Variants in ST6GALNAC5 observed in about 807,000 individuals in gnomAD.
ST6GALNAC5 encodes the protein ST6 N-acetylgalactosaminide alpha-2,6-sialyltransferase 5.
In ST6GALNAC5, 27 loss-of-function variants were observed where a neutral mutation model predicts 33.6. That is an observed-to-expected ratio of 0.80 (90% CI 0.59 to 1.11). The LOEUF (loss-of-function observed/expected upper bound fraction) is 1.11, where lower values mean the gene tolerates loss of function less well. ST6GALNAC5 is among the 50% of genes least tolerant of loss of function. ST6GALNAC5 has a pLI of 0.00. For missense variants in ST6GALNAC5, 428 were observed against 454.0 expected (o/e 0.94, Z 0.52); for synonymous variants, 194 against 171.2 (o/e 1.13, Z -1.04).
chr1:76,985,178 GAGAA>G (rs1211107888), intron 2 of ST6GALNAC5, among the ~76,000 whole-genome samples: 2 of 152,162 alleles, frequency 1.3e-5, no homozygotes, highest in Admixed American at 6.5e-5. Context: ...AATCAGGCAA[GAGAA>G]AGAAAGAAAG....
chr1:77,062,475 T>A (rs1182509264), intron 4 of ST6GALNAC5, among the ~76,000 whole-genome samples: 1 of 152,080 alleles, frequency 6.6e-6, no homozygotes, highest in African/African-American at 2.4e-5. Context: ...AAGGCCAGTA[T>A]GGTGGGAACA....
At chr1:76,965,109 T>C (rs1648405781) in intron 2 of ST6GALNAC5, among the ~76,000 whole-genome samples, 1 of 152,190 alleles carries the variant, frequency 6.6e-6, no homozygotes, top group Non-Finnish European at 1.5e-5. Flanking sequence ...TTATAATCCT[T>C]TGGGTATATA....
chr1:76,896,470 G>A (rs1252208342), intron 2 of ST6GALNAC5, among the ~76,000 whole-genome samples: 1 of 152,184 alleles, frequency 6.6e-6, no homozygotes, highest in African/African-American at 2.4e-5. Flanking sequence ...AGGCGGGCTA[G>A]TGGCTTGTAC....
chr1:77,029,025 G>A (rs1651352250), intron 2 of ST6GALNAC5, among the ~76,000 whole-genome samples: 1 of 151,984 alleles, frequency 6.6e-6, no homozygotes, highest in Non-Finnish European at 1.5e-5. Flanking sequence ...GTGGTCCAGT[G>A]TGGGCATGTG....
chr1:76,955,193 T>C (rs1164129104), intron 2 of ST6GALNAC5, among the ~76,000 whole-genome samples: 1 of 152,206 alleles, frequency 6.6e-6, no homozygotes, highest in East Asian at 1.9e-4. Context: ...CAGTGGCAGC[T>C]ATTCATATTA....
chr1:76,991,441 G>A (rs1235007745), intron 2 of ST6GALNAC5, among the ~76,000 whole-genome samples: 3 of 152,112 alleles, frequency 2.0e-5, no homozygotes, highest in Non-Finnish European at 4.4e-5. Flanking sequence ...ATTTCAATAT[G>A]CACACTCTGA....
At chr1:76,871,955 G>A (rs140220655) in intron 2 of ST6GALNAC5, among the ~76,000 whole-genome samples, 94 of 151,956 alleles carry the variant, frequency 6.2e-4, no homozygotes, top group Middle Eastern at 3.4e-3. Context: ...TCTCAGTCCC[G>A]ATTTGTGGAA....
intron 2 of ST6GALNAC5, among the ~76,000 whole-genome samples, chr1:77,020,766 A>G (rs1240821421): frequency 6.6e-6 from 1 of 152,124 alleles, no homozygotes; most frequent in Admixed American, 6.5e-5. Context: ...ATTGTTCATT[A>G]TTATTATCTC....
intron 2 of ST6GALNAC5, among the ~76,000 whole-genome samples, chr1:76,874,799 A>G (rs1653598185): frequency 1.3e-5 from 2 of 152,192 alleles, no homozygotes; most frequent in Admixed American, 1.3e-4. Context: ...AATCCAATCA[A>G]GTTGACACTC....
chr1:77,019,018 C>T (rs998613273), intron 2 of ST6GALNAC5, among the ~76,000 whole-genome samples: 2 of 152,142 alleles, frequency 1.3e-5, no homozygotes. Flanking sequence ...TTCCTTGAAG[C>T]CTCTAGAGGA....
At chr1:76,932,114 T>C (rs975541310) in intron 2 of ST6GALNAC5, among the ~76,000 whole-genome samples, 2 of 152,148 alleles carry the variant, frequency 1.3e-5, no homozygotes, top group Non-Finnish European at 2.9e-5. Flanking sequence ...CGGTGAAATA[T>C]TCACTTAGGT....
chr1:76,990,500 T>C (rs1364477669), intron 2 of ST6GALNAC5, among the ~76,000 whole-genome samples: 1 of 152,108 alleles, frequency 6.6e-6, no homozygotes, highest in Non-Finnish European at 1.5e-5. Context: ...TTGGTGCTCA[T>C]TGCTAAATAG....
At chr1:76,918,414 T>C (rs1394795568) in intron 2 of ST6GALNAC5, among the ~76,000 whole-genome samples, 1 of 151,924 alleles carries the variant, frequency 6.6e-6, no homozygotes, top group African/African-American at 2.4e-5. Flanking sequence ...GGTCAAAAGA[T>C]TGAGACCATC....
intron 2 of ST6GALNAC5, among the ~76,000 whole-genome samples, chr1:77,041,689 A>T (rs1323651232): frequency 6.6e-6 from 1 of 152,170 alleles, no homozygotes. Context: ...AATAGGGGCC[A>T]CTTTCTGGAC....
At chr1:77,016,306 C>CCTCCTGTATCTCCTCCCCCTCA (rs1650849052) in intron 2 of ST6GALNAC5, among the ~76,000 whole-genome samples, 1 of 140,436 alleles carries the variant, frequency 7.1e-6, no homozygotes, top group African/African-American at 2.7e-5. Flanking sequence ...CCTCCCCCTC[C>CCTCCTGTATCTCCTCCCCCTCA]TCCTCCTGAA....
intron 4 of ST6GALNAC5, among the ~76,000 whole-genome samples, chr1:77,050,628 T>C (rs933710548): frequency 6.6e-6 from 1 of 152,224 alleles, no homozygotes; most frequent in African/African-American, 2.4e-5. Flanking sequence ...CCAGAAGTAA[T>C]GCAATAATTG....
intron 2 of ST6GALNAC5, among the ~76,000 whole-genome samples, chr1:76,892,333 C>G (rs1272737869): frequency 2.0e-5 from 3 of 152,168 alleles, no homozygotes. Context: ...GCAGCAACAC[C>G]TTAAGATAGA....
At chr1:77,062,000 T>C (rs1652592502) in intron 4 of ST6GALNAC5, among the ~76,000 whole-genome samples, 1 of 152,190 alleles carries the variant, frequency 6.6e-6, no homozygotes, top group South Asian at 2.1e-4. Flanking sequence ...GGCCTCTTGT[T>C]TGCTGTCTTC....
At chr1:76,975,584 T>G (rs1353048214) in intron 2 of ST6GALNAC5, among the ~76,000 whole-genome samples, 1 of 152,116 alleles carries the variant, frequency 6.6e-6, no homozygotes, top group East Asian at 1.9e-4. Context: ...GAATGGAGAT[T>G]AACAGATTAT....
Sources: gnomAD v4.1 joint callset for allele counts (sites outside exome capture counted in the v4.1 genomes callset) on GRCh38, gnomAD v4.1.1 for gene constraint, MANE v1.5 for transcripts, NCBI Gene and HGNC (gene_info 2026-07-23, HGNC 2026-07-21) for gene names.